The following ADAMTSL1 variants were observed in gnomAD, a reference collection of about 807,000 sequenced individuals.
The protein encoded by ADAMTSL1 is ADAMTS like 1, also known as ADAMTS-like protein 1.
In ADAMTSL1, 126 loss-of-function variants were observed where a neutral mutation model predicts 201.8. The ratio of observed to expected loss-of-function variants is 0.62; its 90% CI spans 0.54 to 0.72. The LOEUF (loss-of-function observed/expected upper bound fraction) is 0.72. Ranked by LOEUF, ADAMTSL1 falls within the 30% of genes least tolerant of loss-of-function variation. The probability of loss-of-function intolerance (pLI) is 0.00; values close to 1 mark genes in which losing one functional copy is unlikely to be tolerated. For synonymous variants in ADAMTSL1, 1,121 were observed against 903.4 expected (o/e 1.24, Z -4.32); for missense variants, 2,679 against 2,277.8 (o/e 1.18, Z -3.59).
intron 1 of ADAMTSL1, among the ~76,000 whole-genome samples, chr9:17,915,492 C>A (rs148231828): frequency 3.9e-5 from 6 of 152,318 alleles, no homozygotes; most frequent in Admixed American, 1.3e-4. Context: ...TCTGTTTCCA[C>A]TTTTGCTATT....
At chr9:18,812,469 T>C (rs1481040788) in intron 20 of ADAMTSL1, among the ~76,000 whole-genome samples, 1 of 152,180 alleles carries the variant, frequency 6.6e-6, no homozygotes, top group African/African-American at 2.4e-5. Context: ...AGGTAAAATG[T>C]AAAACTATAA....
chr9:17,998,352 G>C (rs1318546814), intron 1 of ADAMTSL1, among the ~76,000 whole-genome samples: 1 of 151,980 alleles, frequency 6.6e-6, no homozygotes, highest in African/African-American at 2.4e-5. Flanking sequence ...GGAGATAAAG[G>C]GGGTTATGGG....
intron 7 of ADAMTSL1, 139 bp from the exon 8 acceptor site, chr9:18,657,500 C>A: frequency 1.6e-6 from 1 of 618,746 alleles, no homozygotes; most frequent in African/African-American, 1.8e-5. Context: ...ATGATACTGC[C>A]ATTGCCACTT....
In ADAMTSL1 at chr9:18,509,185, C is replaced by T. The variant is rs1223496875; in HGVS notation, c.191+4229C>T. ...CGGCCTGGGCGACAGAGCGAGACTC[C>T]GTCTCAAAAAAAAAAAAAAAAAAAA... is the stretch of plus-strand genomic sequence containing the variant. On this transcript the variant is annotated intron_variant, in intron 2 of 28. Coordinates refer to ENST00000380548, the MANE Select transcript of ADAMTSL1 (RefSeq NM_001040272.6). Among the ~76,000 whole-genome samples the T allele has an allele frequency of 1.2e-4, 5 of 40,464 alleles. No homozygotes were observed. In the East Asian group the frequency reaches 2.3e-3, roughly 19 times the overall value. The allele number at this position is 40,464 out of a possible 152,430, so 26.5% of individuals were successfully genotyped here.
At chr9:18,695,735 A>T (rs565272463) in intron 13 of ADAMTSL1, among the ~76,000 whole-genome samples, 1 of 151,808 alleles carries the variant, frequency 6.6e-6, no homozygotes, top group East Asian at 1.9e-4. Context: ...AACTCTTCCA[A>T]CCTCTGCCAG....
At chr9:18,528,904 C>T (rs982772632) in intron 2 of ADAMTSL1, among the ~76,000 whole-genome samples, 2 of 152,078 alleles carry the variant, frequency 1.3e-5, no homozygotes, top group Non-Finnish European at 2.9e-5. Flanking sequence ...TGTTTGTTTT[C>T]ATCCCCAGAG....
intron 16 of ADAMTSL1, among the ~76,000 whole-genome samples, chr9:18,762,631 C>G (rs1178696101): frequency 2.0e-5 from 3 of 152,060 alleles, no homozygotes; most frequent in African/African-American, 7.2e-5. Context: ...CCATCCCACC[C>G]TCCCCCTCAG....
At chr9:17,993,429 T>G (rs1203356189) in intron 1 of ADAMTSL1, among the ~76,000 whole-genome samples, 2 of 150,672 alleles carry the variant, frequency 1.3e-5, no homozygotes, top group Non-Finnish European at 2.9e-5. Flanking sequence ...TCAGTTTGTC[T>G]ACAAGGAATA....
intron 5 of ADAMTSL1, among the ~76,000 whole-genome samples, chr9:18,623,609 G>A (rs2132683867): frequency 6.6e-6 from 1 of 152,280 alleles, no homozygotes; most frequent in South Asian, 2.1e-4. Flanking sequence ...AGTTCTCATG[G>A]TACCTACGCC....
rs1301731793 is a variant in ADAMTSL1, at chr9:18,574,247, G to A, written c.455G>A (p.Cys152Tyr). ...TRCYTESLDM[C>Y]ISGLCQIVGC... ...TGCTATACAGAATCTTTGGATATGT[G>A]CATCAGTGGTTTATGCCAAGTAAGT... The change falls in exon 4 of 29, where the codon TGC becomes TAC. Residue 152 changes from cysteine to tyrosine, a missense_variant. By Grantham distance (194) the Cys-to-Tyr change is radical (BLOSUM62 -2). Transcript: ENST00000380548. 6.2e-7 allele frequency: 1 copy of A among 1,614,064 alleles called. No individual in the cohort carries two copies. The highest frequency in any genetic ancestry group is 8.5e-7 in the Non-Finnish European group (1 of 1,179,964).
At position 18,721,679 on chromosome 9, in the gene ADAMTSL1, G is replaced by A. The variant is rs1434141059; in HGVS notation, c.2006+14G>A. On this transcript the variant is annotated intron_variant, in intron 15 of 28. Transcript: ENST00000380548. ...CTGCCCAGCAAGGTAAGGGATGTGT[G>A]GCCTGCCCTGCTGTCCAGGGGCACG... 1.2e-6 allele frequency: 2 copies of A among 1,613,186 alleles called. No individual in the cohort carries two copies. The highest frequency in any genetic ancestry group is 1.7e-6 in the Non-Finnish European group (2 of 1,179,498).
chr9:18,546,149 G>A (rs1476922191), intron 3 of ADAMTSL1, among the ~76,000 whole-genome samples: 1 of 152,130 alleles, frequency 6.6e-6, no homozygotes, highest in African/African-American at 2.4e-5. Flanking sequence ...AACTTAAAGA[G>A]GTTATCTTTG....
At chr9:18,854,677 C>T (rs1053766484) in intron 23 of ADAMTSL1, among the ~76,000 whole-genome samples, 37 of 151,916 alleles carry the variant, frequency 2.4e-4, no homozygotes, top group African/African-American at 6.3e-4. Context: ...CTAGAGAAAA[C>T]GAAAGAAAGA....
At chr9:18,033,129 C>T (rs1373371842) in intron 1 of ADAMTSL1, among the ~76,000 whole-genome samples, 3 of 152,206 alleles carry the variant, frequency 2.0e-5, no homozygotes, top group South Asian at 2.1e-4. Flanking sequence ...GACCTCATAG[C>T]GTGTGATAAA....
intron 2 of ADAMTSL1, among the ~76,000 whole-genome samples, chr9:18,428,443 A>G (rs1381959519): frequency 6.6e-6 from 1 of 150,662 alleles, no homozygotes; most frequent in African/African-American, 2.4e-5. Flanking sequence ...ACAAAAAAAA[A>G]AAAAAAAGAA....
intron 2 of ADAMTSL1, among the ~76,000 whole-genome samples, chr9:18,437,408 C>T (rs1428764757): frequency 6.6e-6 from 1 of 152,034 alleles, no homozygotes; most frequent in Non-Finnish European, 1.5e-5. Context: ...TCCAATGAGA[C>T]CCCTTCTTCT....
intron 2 of ADAMTSL1, among the ~76,000 whole-genome samples, chr9:18,530,021 AG>A (rs1819340657): frequency 6.6e-6 from 1 of 152,168 alleles, no homozygotes; most frequent in Admixed American, 6.5e-5. Flanking sequence ...AAATTTGTGT[AG>A]GTATTTGCAG....
intron 1 of ADAMTSL1, among the ~76,000 whole-genome samples, chr9:17,913,636 T>C (rs976024406): frequency 6.2e-4 from 95 of 152,114 alleles, no homozygotes; most frequent in South Asian, 2.1e-3. Context: ...GCAAACATAT[T>C]CAAAAGCTAG....
chr9:18,732,908 A>C (rs1818296543), intron 15 of ADAMTSL1, among the ~76,000 whole-genome samples: 1 of 152,182 alleles, frequency 6.6e-6, no homozygotes, highest in South Asian at 2.1e-4. Flanking sequence ...CTTTATATAC[A>C]TTATTTTGAT....
Sources: allele counts gnomAD v4.1 joint callset (sites outside exome capture counted in the v4.1 genomes callset), GRCh38; gene constraint gnomAD v4.1.1; transcripts MANE v1.5; gene names NCBI Gene and HGNC (gene_info 2026-07-23, HGNC 2026-07-21).